FAM171A1: variants seen among roughly 807,000 people sequenced by gnomAD.
FAM171A1 encodes protein FAM171A1.
Under a neutral mutation model 74.9 loss-of-function variants are expected in FAM171A1, and 23 were observed. The observed-to-expected ratio is 0.31, with a 90% CI of 0.22 to 0.44. The LOEUF (loss-of-function observed/expected upper bound fraction) is 0.44. Ranked by LOEUF, FAM171A1 falls within the 20% of genes least tolerant of loss-of-function variation. The pLI is 1.00. For synonymous variants in FAM171A1, 527 were observed against 505.7 expected (o/e 1.04, Z -0.57); for missense variants, 1,162 against 1,159.2 (o/e 1.00, Z -0.03).
chr10:15,220,160 T>C lies in FAM171A1; in HGVS notation c.871+784A>G, dbSNP rs1386341260. Among the ~76,000 whole-genome samples the C allele has an allele frequency of 2.0e-5, 3 of 152,234 alleles. No individual in the cohort carries two copies. The East Asian group carries it at 5.8e-4, about 29-fold the overall frequency. The stretch of plus-strand genomic sequence containing the variant: ...ACCTACTTTATTCACCAGTCTTGAA[T>C]GTGCATGACTTTTAGATGTCTTTAA... On this transcript the variant is annotated intron_variant, in intron 6 of 7. Coordinates refer to ENST00000378116, the MANE Select transcript of FAM171A1 (RefSeq NM_001010924.2).
chr10:15,263,686 T>A (rs941248479), intron 3 of FAM171A1, among the ~76,000 whole-genome samples: 1 of 152,132 alleles, frequency 6.6e-6, no homozygotes, highest in East Asian at 1.9e-4. Context: ...TATCTATCTA[T>A]GCATCTATCA....
At chr10:15,303,144 G>A (rs1006451970) in intron 1 of FAM171A1, among the ~76,000 whole-genome samples, 2 of 152,042 alleles carry the variant, frequency 1.3e-5, no homozygotes, top group African/African-American at 2.4e-5. Context: ...AGCCAAGATC[G>A]TGCCACTGCA....
intron 3 of FAM171A1, among the ~76,000 whole-genome samples, chr10:15,268,308 G>T (rs1215615519): frequency 6.6e-6 from 1 of 152,000 alleles, no homozygotes; most frequent in African/African-American, 2.4e-5. Context: ...AGTGAAATGG[G>T]ATAACCCGTT....
chr10:15,256,408 G>T (rs531093653), intron 3 of FAM171A1, among the ~76,000 whole-genome samples: 1 of 152,182 alleles, frequency 6.6e-6, no homozygotes, highest in Non-Finnish European at 1.5e-5. Context: ...GAGTCACAAT[G>T]CTCCCTCTTC....
intron 1 of FAM171A1, among the ~76,000 whole-genome samples, chr10:15,291,292 G>T (rs1835099345): frequency 6.6e-6 from 1 of 152,192 alleles, no homozygotes; most frequent in Non-Finnish European, 1.5e-5. Flanking sequence ...CAAAATGAAT[G>T]CTGGGGTGAA....
chr10:15,324,193 T>C (rs1835521408), intron 1 of FAM171A1, among the ~76,000 whole-genome samples: 1 of 152,174 alleles, frequency 6.6e-6, no homozygotes, highest in Non-Finnish European at 1.5e-5. Flanking sequence ...ATGGAGAATT[T>C]AACACCAAGA....
upstream of FAM171A1, among the ~76,000 whole-genome samples, chr10:15,371,952 T>C (rs1359992814): frequency 2.0e-5 from 3 of 152,118 alleles, no homozygotes; most frequent in Non-Finnish European, 4.4e-5. Flanking sequence ...TGGGGATTTA[T>C]AACCGAGGAC....
chr10:15,369,384 T>C (rs1836106488), intron 1 of FAM171A1, among the ~76,000 whole-genome samples: 2 of 152,088 alleles, frequency 1.3e-5, no homozygotes. Flanking sequence ...AAATAGCTGA[T>C]TCAAAAAAGC....
intron 1 of FAM171A1, among the ~76,000 whole-genome samples, chr10:15,312,667 C>CTA (rs1835374036): frequency 9.9e-6 from 1 of 101,120 alleles, no homozygotes; most frequent in Non-Finnish European, 1.8e-5. Flanking sequence ...GAGTTCAGCA[C>CTA]TGTGTGTTTT....
chr10:15,349,085 T>A (rs1453843870), intron 1 of FAM171A1, among the ~76,000 whole-genome samples: 1 of 152,214 alleles, frequency 6.6e-6, no homozygotes, highest in Non-Finnish European at 1.5e-5. Context: ...AGTTTTTTCT[T>A]TTTTCACAAC....
intron 1 of FAM171A1, among the ~76,000 whole-genome samples, chr10:15,299,384 C>T (rs753316209): frequency 5.3e-5 from 8 of 152,294 alleles, no homozygotes; most frequent in South Asian, 2.1e-4. Flanking sequence ...ACCAGTGGAA[C>T]GGTTGCCAAG....
rs765216749 is a variant in FAM171A1, at chr10:15,214,025, G to A, written c.1563C>T (p.Pro521=). 69 of 1,614,160 alleles carry A rather than the reference G, an allele frequency of 4.3e-5. No homozygotes were observed. Among genetic ancestry groups the A allele is most frequent in the Non-Finnish European group, 4.8e-5 (57 of 1,180,036 alleles). ...GTTCTTTCTCAGGTGATGAAGGCGC[G>A]GGGTACAGATGTTCCTGAATGGTGA... The part of the protein sequence containing the change: ...SKLTIQEHLY[P]APSSPEKEQL... The change falls in exon 8 of 8, where the codon CCC becomes CCT. Residue 521 remains proline, a synonymous_variant. Transcript: ENST00000378116.
intron 1 of FAM171A1, among the ~76,000 whole-genome samples, chr10:15,329,255 C>T (rs1344513935): frequency 3.9e-5 from 6 of 152,290 alleles, no homozygotes; most frequent in Non-Finnish European, 7.3e-5. Context: ...ACCAACCAGC[C>T]GGATGCAACA....
intron 1 of FAM171A1, among the ~76,000 whole-genome samples, chr10:15,364,282 C>T (rs1564292052): frequency 6.6e-6 from 1 of 152,130 alleles, no homozygotes; most frequent in Non-Finnish European, 1.5e-5. Flanking sequence ...GAACACAGCA[C>T]ACTCAATGGA....
At position 15,213,238 on chromosome 10, in the gene FAM171A1, C is replaced by T. The variant is rs770077874; in HGVS notation, c.2350G>A (p.Ala784Thr). ...TCCAGGTACACGAGCTGCGTGTAGG[C>T]CGTGCTGTCTGGGGCTCGAGGCTCT... is the stretch of plus-strand genomic sequence containing the variant. ...QKEPRAPDST[A>T]YTQLVYLDDV... The change falls in exon 8 of 8, where the codon GCC (alanine) becomes ACC (threonine). Residue 784 changes from alanine (A) to threonine (T), a missense_variant. Coordinates refer to ENST00000378116, the MANE Select transcript of FAM171A1 (RefSeq NM_001010924.2). The surrounding 1 kb of genome is among the most constrained non-coding windows in gnomAD (Gnocchi z 6.8). The T allele has an allele frequency of 4.3e-6, 7 of 1,614,064 alleles. No homozygotes were observed. Among genetic ancestry groups the T allele is most frequent in the South Asian group, 2.2e-5 (2 of 91,074 alleles).
At chr10:15,242,293 G>A (rs547432379) in intron 5 of FAM171A1, among the ~76,000 whole-genome samples, 1 of 152,216 alleles carries the variant, frequency 6.6e-6, no homozygotes, top group Admixed American at 6.5e-5. Flanking sequence ...TATGAAATAT[G>A]CAGGCTTCTA....
intron 1 of FAM171A1, among the ~76,000 whole-genome samples, chr10:15,314,945 T>G (rs1354729674): frequency 1.3e-5 from 2 of 152,208 alleles, no homozygotes; most frequent in Non-Finnish European, 2.9e-5. Flanking sequence ...GATGGGTGGC[T>G]GAGTTTCAGC....
At chr10:15,326,683 A>G (rs2131853709) in intron 1 of FAM171A1, among the ~76,000 whole-genome samples, 1 of 151,944 alleles carries the variant, frequency 6.6e-6, no homozygotes, top group South Asian at 2.1e-4. Context: ...GATGGAGTGC[A>G]GTGGCATGAT....
At position 15,229,771 on chromosome 10, in the gene FAM171A1, CCA is replaced by C. The variant is rs1564616788; in HGVS notation, c.755-8713_755-8712del. 1.7e-4 allele frequency among the ~76,000 whole-genome samples: 8 copies of C among 47,942 alleles called. 1 individual carries two copies. The highest frequency in any genetic ancestry group is 6.1e-4 in the African/African-American group (8 of 13,120). The allele number at this position is 47,942 out of a possible 152,430, so 31.5% of individuals were successfully genotyped here. ...ACCATCATCACCATCACCACCATCACCATCATCACCATCACCACCATCACCAT... is the reference window on the plus strand; with the variant it reads ...ACCATCATCACCATCACCACCATCACTCATCACCATCACCACCATCACCAT... On this transcript the variant is annotated intron_variant, in intron 5 of 7. Transcript: ENST00000378116.
Sources: allele counts gnomAD v4.1 joint callset (sites outside exome capture counted in the v4.1 genomes callset), GRCh38; gene constraint gnomAD v4.1.1; non-coding constraint Gnocchi (gnomAD v3.1); transcripts MANE v1.5; gene names NCBI Gene and HGNC (gene_info 2026-07-23, HGNC 2026-07-21).